The following RPF2 variants were observed in gnomAD, a reference collection of about 807,000 sequenced individuals.
The protein encoded by RPF2 is brix domain containing 1.
A neutral mutation model predicts 38.9 loss-of-function variants in RPF2; 21 were observed. The observed-to-expected ratio is 0.54, with a 90% CI of 0.38 to 0.78. The LOEUF (loss-of-function observed/expected upper bound fraction) is 0.78, where lower values mean the gene tolerates loss of function less well. Among genes scored for constraint, RPF2 ranks in the 30% least tolerant of loss-of-function variants. The pLI, the probability that RPF2 is intolerant of heterozygous loss-of-function variation, is 0.00. For missense variants in RPF2, 314 were observed against 358.1 expected, an observed-to-expected ratio of 0.88 and a Z score of 0.99; for synonymous variants, 121 against 126.2, an observed-to-expected ratio of 0.96 and a Z score of 0.28.
chr6:111,001,724 C>G (rs1771814505), intron 6 of RPF2, among the ~76,000 whole-genome samples: 1 of 152,186 alleles, frequency 6.6e-6, no homozygotes, highest in African/African-American at 2.4e-5. Flanking sequence ...CCCATTTCAC[C>G]TTTACCACTG....
chr6:110,996,370 G>A (rs1436699740), intron 4 of RPF2, among the ~76,000 whole-genome samples: 2 of 151,896 alleles, frequency 1.3e-5, no homozygotes, highest in Admixed American at 6.6e-5. Flanking sequence ...GTAGAGACAG[G>A]GTGTCACCAT....
intron 7 of RPF2, among the ~76,000 whole-genome samples, chr6:111,008,486 A>G (rs1433921905): frequency 6.6e-6 from 1 of 151,942 alleles, no homozygotes; most frequent in Non-Finnish European, 1.5e-5. Context: ...TGTACTGTGT[A>G]GATGATTATT....
At chr6:110,986,042 G>A (rs1771519605) in intron 2 of RPF2, among the ~76,000 whole-genome samples, 1 of 152,180 alleles carries the variant, frequency 6.6e-6, no homozygotes, top group Middle Eastern at 3.2e-3. Flanking sequence ...CAAGAAGTGG[G>A]AGAGAAAGAG....
intron 8 of RPF2, among the ~76,000 whole-genome samples, chr6:111,020,006 C>G (rs1245627826): frequency 2.0e-5 from 3 of 151,880 alleles, no homozygotes; most frequent in Non-Finnish European, 4.4e-5. Context: ...CCTCTGCCTC[C>G]CGGGTTCATG....
At chr6:111,018,801 C>T (rs1772176627) in intron 8 of RPF2, among the ~76,000 whole-genome samples, 1 of 152,138 alleles carries the variant, frequency 6.6e-6, no homozygotes, top group South Asian at 2.1e-4. Context: ...TCGAAAGCCC[C>T]TTAAGTCTCC....
At chr6:111,022,213 A>G (rs1050975838) in intron 8 of RPF2, among the ~76,000 whole-genome samples, 1 of 152,258 alleles carries the variant, frequency 6.6e-6, no homozygotes, top group African/African-American at 2.4e-5. Flanking sequence ...TGAGGAGTTT[A>G]CTTAATGAAA....
In RPF2 at chr6:111,008,898, C is replaced by CTTTTTTTTTTTTTTTTTTTTTTTTTT. The variant is rs57167034; in HGVS notation, c.493+779_493+780insTTTTTTTTTTTTTTTTTTTTTTTTTT. On this transcript the variant is annotated intron_variant, in intron 7 of 9. Coordinates refer to ENST00000441448, the MANE Select transcript of RPF2 (RefSeq NM_032194.3). ...AAGCCCTCAGTGACCTTCCTGGCTC[C>CTTTTTTTTTTTTTTTTTTTTTTTTTT]TTTTTTTTTTTTTTTTTTAAAGATA... 8.3e-5 allele frequency among the ~76,000 whole-genome samples: 10 copies of CTTTTTTTTTTTTTTTTTTTTTTTTTT among 120,416 alleles called. 1 individual carries two copies. Among genetic ancestry groups the CTTTTTTTTTTTTTTTTTTTTTTTTTT allele is most frequent in the Non-Finnish European group, 1.5e-4 (9 of 59,214 alleles). The allele number at this position is 120,416 out of a possible 152,430, so 79.0% of individuals were successfully genotyped here.
chr6:110,994,401 A>G (rs950802963), intron 4 of RPF2, among the ~76,000 whole-genome samples: 1 of 152,110 alleles, frequency 6.6e-6, no homozygotes, highest in Admixed American at 6.6e-5. Flanking sequence ...CCTAGGCAAC[A>G]TATTGAGATC....
intron 1 of RPF2, 159 bp downstream of exon 1, chr6:110,982,288 C>T: frequency 1.3e-6 from 1 of 775,932 alleles, no homozygotes; most frequent in East Asian, 2.7e-5. Flanking sequence ...GCGCGAGCTG[C>T]TTGCCAGGAG....
chr6:110,982,350 T>C, intron 1 of RPF2: 1 of 601,926 alleles, frequency 1.7e-6, no homozygotes, highest in South Asian at 2.0e-5. Flanking sequence ...GATGTGGGAT[T>C]GAAGCGTTGG....
intron 6 of RPF2, among the ~76,000 whole-genome samples, chr6:111,000,086 GT>G (rs1485981283): frequency 6.6e-6 from 1 of 151,648 alleles, no homozygotes; most frequent in Non-Finnish European, 1.5e-5. Flanking sequence ...TTTTTTCATA[GT>G]TTGAATTTAT....
At chr6:111,012,414 C>T (rs9374244) in intron 7 of RPF2, among the ~76,000 whole-genome samples, 19,606 of 152,030 alleles carry the variant, frequency 0.13, 1,752 homozygotes, top group East Asian at 0.5. Context: ...TCAAGCAGCC[C>T]TCCAGCCTCA....
At chr6:110,983,669 T>A (rs1207600629) in intron 1 of RPF2, among the ~76,000 whole-genome samples, 1 of 152,178 alleles carries the variant, frequency 6.6e-6, no homozygotes, top group African/African-American at 2.4e-5. Context: ...TTGGCCTGTT[T>A]ACTTGCTGTG....
At chr6:110,990,157 C>T (rs535483320) in intron 3 of RPF2, among the ~76,000 whole-genome samples, 17 of 147,850 alleles carry the variant, frequency 1.1e-4, no homozygotes, top group African/African-American at 3.5e-4. Flanking sequence ...AGGCTGGTCT[C>T]GAACTCCCGA....
chr6:111,019,629 C>G (rs186432073), intron 8 of RPF2, among the ~76,000 whole-genome samples: 1 of 151,498 alleles, frequency 6.6e-6, no homozygotes, highest in Non-Finnish European at 1.5e-5. Flanking sequence ...CCTAGCTACT[C>G]GGGAGGCTGA....
chr6:111,009,539 A>G (rs961326509), intron 7 of RPF2, among the ~76,000 whole-genome samples: 2 of 152,168 alleles, frequency 1.3e-5, no homozygotes, highest in African/African-American at 4.8e-5. Flanking sequence ...AGTGCCAGGC[A>G]TATAGTAGGC....
At chr6:111,009,489 G>T (rs1771976438) in intron 7 of RPF2, among the ~76,000 whole-genome samples, 1 of 151,982 alleles carries the variant, frequency 6.6e-6, no homozygotes, top group Non-Finnish European at 1.5e-5. Context: ...CACTGCGACA[G>T]GCCCTGGCTC....
chr6:111,015,946 G>T, intron 8 of RPF2, 90 bp downstream of exon 8: 1 of 931,490 alleles, frequency 1.1e-6, no homozygotes. Flanking sequence ...CTTAGAATTG[G>T]TATCTGGCCA....
chr6:111,014,689 T>C (rs887900255), intron 7 of RPF2, among the ~76,000 whole-genome samples: 2 of 152,248 alleles, frequency 1.3e-5, no homozygotes, highest in Non-Finnish European at 2.9e-5. Context: ...TGAATTTCCA[T>C]TTAGCCTCCT....
Sources: allele counts gnomAD v4.1 joint callset (sites outside exome capture counted in the v4.1 genomes callset), GRCh38; gene constraint gnomAD v4.1.1; transcripts MANE v1.5; gene names NCBI Gene and HGNC (gene_info 2026-07-23, HGNC 2026-07-21).